Variants in MMP16 observed in about 807,000 individuals in gnomAD.
The protein encoded by MMP16 is matrix metalloproteinase-16.
MMP16 carries 12 observed loss-of-function variants against 67.8 expected under a neutral mutation model. The observed-to-expected ratio is 0.18, with a 90% confidence interval of 0.11 to 0.29. The LOEUF (loss-of-function observed/expected upper bound fraction) is 0.29. MMP16 is among the 10% of genes least tolerant of loss of function. MMP16 has a pLI of 1.00. For missense variants in MMP16, 475 were observed against 765.7 expected (o/e 0.62, Z 4.48); for synonymous variants, 249 against 255.9 (o/e 0.97, Z 0.26).
intron 6 of MMP16, among the ~76,000 whole-genome samples, chr8:88,077,961 T>C (rs1808678542): frequency 1.3e-5 from 2 of 152,152 alleles, no homozygotes; most frequent in South Asian, 2.1e-4. Context: ...TTGTTTTAGA[T>C]GGGGAGGGAA....
intron 1 of MMP16, among the ~76,000 whole-genome samples, chr8:88,319,286 C>G (rs1410465567): frequency 1.3e-5 from 2 of 152,064 alleles, no homozygotes; most frequent in East Asian, 3.9e-4. Flanking sequence ...TATAAACCAT[C>G]AAGTATACAT....
In MMP16 at chr8:88,282,396, T is replaced by C. The variant is rs112920783; in HGVS notation, c.132+44679A>G. Among the ~76,000 whole-genome samples the C allele has an allele frequency of 9.7e-3, 1,483 of 152,272 alleles. 24 individuals are homozygous for C. Among genetic ancestry groups the C allele is most frequent in the African/African-American group, 0.033 (1,372 of 41,564 alleles). ...CCAAATTCCAGTTTTTCTATATGCA[T>C]ACAAGGAATTACAAAGTATAGTGAA... is the stretch of plus-strand genomic sequence containing the variant. On this transcript the variant is annotated intron_variant, in intron 1 of 9. Transcript: ENST00000286614.
intron 2 of MMP16, among the ~76,000 whole-genome samples, chr8:88,191,039 C>T (rs554526803): frequency 7.3e-4 from 111 of 152,150 alleles, no homozygotes; most frequent in African/African-American, 2.3e-3. Flanking sequence ...TTTTCATAAA[C>T]GTAATACTGA....
chr8:88,247,404 C>T (rs539754976), intron 1 of MMP16, among the ~76,000 whole-genome samples: 29 of 152,102 alleles, frequency 1.9e-4, no homozygotes, highest in African/African-American at 5.1e-4. Flanking sequence ...AAACATGTGA[C>T]GAGGCGCCCA....
At chr8:88,203,772 A>G (rs1239276909) in intron 1 of MMP16, among the ~76,000 whole-genome samples, 1 of 152,246 alleles carries the variant, frequency 6.6e-6, no homozygotes. Context: ...ATAGCAAGGT[A>G]CTTATAAGTT....
chr8:88,201,144 C>CAAAA (rs71277984), intron 1 of MMP16, among the ~76,000 whole-genome samples: 45 of 109,378 alleles, frequency 4.1e-4, no homozygotes, highest in Non-Finnish European at 6.2e-4. Context: ...TTTCCCCCCC[C>CAAAA]AAAAAAAAAA....
intron 1 of MMP16, among the ~76,000 whole-genome samples, chr8:88,221,078 T>C (rs1809675065): frequency 6.6e-6 from 1 of 151,818 alleles, no homozygotes; most frequent in Non-Finnish European, 1.5e-5. Flanking sequence ...GACTTAGGAA[T>C]ACCAGCCATG....
At chr8:88,137,496 G>A (rs1808140865) in intron 4 of MMP16, among the ~76,000 whole-genome samples, 1 of 151,484 alleles carries the variant, frequency 6.6e-6, no homozygotes, top group South Asian at 2.1e-4. Flanking sequence ...TCATTTTTTT[G>A]CCTCTTCTGA....
intron 1 of MMP16, among the ~76,000 whole-genome samples, chr8:88,255,777 C>T (rs1810291656): frequency 6.6e-6 from 1 of 152,202 alleles, no homozygotes; most frequent in Non-Finnish European, 1.5e-5. Flanking sequence ...ACATATCAGA[C>T]TTCCACACTG....
chr8:88,306,293 T>C (rs1042420261), intron 1 of MMP16, among the ~76,000 whole-genome samples: 2 of 152,010 alleles, frequency 1.3e-5, no homozygotes, highest in Non-Finnish European at 1.5e-5. Flanking sequence ...CCATAATAAA[T>C]AGCCTACCAA....
intron 4 of MMP16, among the ~76,000 whole-genome samples, chr8:88,166,200 C>A (rs903965624): frequency 6.6e-6 from 1 of 151,976 alleles, no homozygotes; most frequent in African/African-American, 2.4e-5. Flanking sequence ...AGCTTAATGT[C>A]ATGACTAGGG....
intron 6 of MMP16, among the ~76,000 whole-genome samples, chr8:88,097,537 G>A (rs1048638447): frequency 2.0e-5 from 3 of 148,650 alleles, no homozygotes; most frequent in African/African-American, 7.5e-5. Context: ...CAGGTGGGAG[G>A]GTCACTTGAG....
intron 4 of MMP16, among the ~76,000 whole-genome samples, chr8:88,136,391 G>A (rs1808119389): frequency 1.3e-5 from 2 of 151,738 alleles, no homozygotes; most frequent in African/African-American, 4.8e-5. Context: ...TTTCATTAAT[G>A]TAAAATGTAC....
intron 4 of MMP16, among the ~76,000 whole-genome samples, chr8:88,119,754 A>T (rs1248659220): frequency 1.3e-5 from 2 of 152,056 alleles, no homozygotes; most frequent in Non-Finnish European, 2.9e-5. Flanking sequence ...TACTTGGACA[A>T]CGTGGTGTAT....
intron 1 of MMP16, among the ~76,000 whole-genome samples, chr8:88,298,987 T>G (rs888488156): frequency 1.3e-5 from 2 of 152,214 alleles, no homozygotes; most frequent in Non-Finnish European, 2.9e-5. Context: ...TACAATTTGT[T>G]TTGTAAAAAT....
At chr8:88,232,604 T>G (rs28904607) in intron 1 of MMP16, among the ~76,000 whole-genome samples, 3,992 of 152,124 alleles carry the variant, frequency 0.026, 50 homozygotes, top group South Asian at 0.045. Flanking sequence ...CTAAATAGTT[T>G]TAATCTTAAG....
At chr8:88,099,018 A>G (rs916863830) in intron 6 of MMP16, among the ~76,000 whole-genome samples, 1 of 151,760 alleles carries the variant, frequency 6.6e-6, no homozygotes, top group Non-Finnish European at 1.5e-5. Flanking sequence ...TTTTTTCCTT[A>G]GAAATAAGTG....
At chr8:88,042,482 C>T (rs557662974) in intron 9 of MMP16, among the ~76,000 whole-genome samples, 3 of 152,172 alleles carry the variant, frequency 2.0e-5, no homozygotes, top group African/African-American at 4.8e-5. Flanking sequence ...AGGTCATAAA[C>T]ATTTTGTTCC....
chr8:88,259,655 G>A lies in MMP16; in HGVS notation c.133-62349C>T, dbSNP rs1014402545. Among the ~76,000 whole-genome samples the A allele has an allele frequency of 1.2e-4, 18 of 151,820 alleles. 1 individual carries two copies. Among genetic ancestry groups the A allele is most frequent in the Non-Finnish European group, 2.6e-4 (18 of 67,976 alleles). ...GAGAAAGGGAAGAGGAAAGGGAAGG[G>A]GAAGGGATTCCCAACCATTAGGACT... On this transcript the variant is annotated intron_variant, in intron 1 of 9. Coordinates refer to ENST00000286614, the MANE Select transcript of MMP16 (RefSeq NM_005941.5).
Sources: gnomAD v4.1 joint callset for allele counts (sites outside exome capture counted in the v4.1 genomes callset) on GRCh38, gnomAD v4.1.1 for gene constraint, MANE v1.5 for transcripts, NCBI Gene and HGNC (gene_info 2026-07-23, HGNC 2026-07-21) for gene names.